The following TNS3 variants were observed in gnomAD, a reference collection of about 807,000 sequenced individuals.
The protein encoded by TNS3 is tensin-3.
In TNS3, 45 loss-of-function variants were observed where a neutral mutation model predicts 140.9. The observed-to-expected ratio is 0.32, with a 90% CI of 0.25 to 0.41. The LOEUF is 0.41. Among genes scored for constraint, TNS3 ranks in the 10% least tolerant of loss-of-function variants. The pLI, the probability that TNS3 is intolerant of heterozygous loss-of-function variation, is 1.00. For missense variants in TNS3, 1,716 were observed against 1,906.7 expected (o/e 0.90, Z 1.86); for synonymous variants, 815 against 788.4 (o/e 1.03, Z -0.56).
chr7:47,317,042 A>T (rs1322602558), intron 20 of TNS3, among the ~76,000 whole-genome samples: 1 of 152,246 alleles, frequency 6.6e-6, no homozygotes, highest in Non-Finnish European at 1.5e-5. Flanking sequence ...TTGGTGTTGA[A>T]TCTTTTCTTT....
intron 1 of TNS3, among the ~76,000 whole-genome samples, chr7:47,576,955 T>C (rs1243956701): frequency 6.6e-6 from 1 of 152,264 alleles, no homozygotes; most frequent in Non-Finnish European, 1.5e-5. Context: ...TCTTTCAGTA[T>C]CGCCACGAGT....
intron 2 of TNS3, among the ~76,000 whole-genome samples, chr7:47,527,110 G>A (rs978012319): frequency 2.6e-5 from 4 of 151,950 alleles, no homozygotes; most frequent in Non-Finnish European, 2.9e-5. Flanking sequence ...GGTGGCGGGC[G>A]CCTGTAGTCC....
At position 47,363,797 on chromosome 7, in the gene TNS3, A is replaced by C. The variant is rs143444471; in HGVS notation, c.2281+4568T>G. On this transcript the variant is annotated intron_variant, in intron 17 of 30. Coordinates refer to ENST00000311160, the MANE Select transcript of TNS3 (RefSeq NM_022748.12). Reference sequence around the variant, plus strand: ...ATGGGGCTGAACCTCATGCACACAGATGTGGAAATGATGCCCCTTGCAGGG... The same window carrying C: ...ATGGGGCTGAACCTCATGCACACAGCTGTGGAAATGATGCCCCTTGCAGGG... Among the ~76,000 whole-genome samples, 160 of 152,336 alleles carry C rather than the reference A, an allele frequency of 1.1e-3. 1 individual carries two copies. Among genetic ancestry groups the C allele is most frequent in the African/African-American group, 3.5e-3 (146 of 41,574 alleles).
chr7:47,294,644 A>C (rs1002024333), intron 24 of TNS3, among the ~76,000 whole-genome samples: 2 of 152,212 alleles, frequency 1.3e-5, no homozygotes, highest in Non-Finnish European at 2.9e-5. Flanking sequence ...AGCAAGATCC[A>C]CTGGAGTTGG....
chr7:47,581,210 C>G (rs1194661991), intron 1 of TNS3, among the ~76,000 whole-genome samples: 1 of 152,064 alleles, frequency 6.6e-6, no homozygotes, highest in Non-Finnish European at 1.5e-5. Flanking sequence ...AGCACCGACA[C>G]AGAGACCCCT....
intron 3 of TNS3, among the ~76,000 whole-genome samples, chr7:47,496,511 A>G (rs1218545367): frequency 6.6e-6 from 1 of 152,206 alleles, no homozygotes; most frequent in Non-Finnish European, 1.5e-5. Flanking sequence ...GAATCAGCAG[A>G]GGCTGCCAAT....
At chr7:47,441,958 C>G in intron 5 of TNS3, 45 bp downstream of exon 5, 2 of 1,269,072 alleles carry the variant, frequency 1.6e-6, no homozygotes, top group Non-Finnish European at 2.1e-6. Flanking sequence ...GAGAGCTGAC[C>G]TACAGCCAGA....
intron 17 of TNS3, among the ~76,000 whole-genome samples, chr7:47,352,526 C>T (rs886805387): frequency 2.6e-5 from 4 of 152,200 alleles, no homozygotes; most frequent in Admixed American, 6.5e-5. Flanking sequence ...CCTGTATCTG[C>T]AAACCTCACA....
intron 1 of TNS3, among the ~76,000 whole-genome samples, chr7:47,544,547 A>G (rs1799871344): frequency 6.6e-6 from 1 of 152,136 alleles, no homozygotes; most frequent in Non-Finnish European, 1.5e-5. Context: ...GGACACAGAT[A>G]GAAGGTGCCT....
chr7:47,439,610 G>A lies in TNS3; in HGVS notation c.27C>T (p.Leu9=). The stretch of plus-strand genomic sequence containing the variant: ...CGATGATGCGCTCCGTGATGTAAGT[G>A]AGGTCCAGCCCATGGCCCTCCTCCA... MEEGHGLD[L]TYITERIIAV... The change falls in exon 6 of 31, where the codon CTC becomes CTT. Residue 9 remains leucine, a synonymous_variant. Coordinates refer to ENST00000311160, the MANE Select transcript of TNS3 (RefSeq NM_022748.12). 1 of 1,614,076 alleles carries A rather than the reference G, an allele frequency of 6.2e-7. No individual in the cohort carries two copies. The highest frequency in any genetic ancestry group is 1.3e-5 in the African/African-American group (1 of 75,054).
At chr7:47,373,092 G>A (rs1238813387) in intron 16 of TNS3, among the ~76,000 whole-genome samples, 1 of 152,138 alleles carries the variant, frequency 6.6e-6, no homozygotes, top group African/African-American at 2.4e-5. Context: ...GAAGGAGAAG[G>A]GGCCTCTGGA....
chr7:47,389,002 GGAA>G (rs1175410885), intron 16 of TNS3, among the ~76,000 whole-genome samples: 139 of 6,532 alleles, frequency 0.021, 1 homozygote, highest in Middle Eastern at 0.11. Flanking sequence ...AGAAGAAGAA[GGAA>G]GAAGAAGAAG....
intron 20 of TNS3, among the ~76,000 whole-genome samples, chr7:47,306,578 A>ATT (rs60884592): frequency 2.4e-4 from 36 of 147,978 alleles, no homozygotes; most frequent in African/African-American, 7.1e-4. Flanking sequence ...ACCTTAGAGA[A>ATT]TTTTTTTTTT....
chr7:47,306,142 T>C (rs964976638), intron 20 of TNS3, among the ~76,000 whole-genome samples: 1 of 152,200 alleles, frequency 6.6e-6, no homozygotes, highest in African/African-American at 2.4e-5. Flanking sequence ...TTACTAAGAA[T>C]ACTCTGAAAG....
chr7:47,582,499 T>A, upstream of TNS3: 2 of 456,574 alleles, frequency 4.4e-6, no homozygotes, highest in South Asian at 3.1e-5. Context: ...GTGATTAAGG[T>A]GCTCTCCGGG....
intron 4 of TNS3, among the ~76,000 whole-genome samples, chr7:47,474,760 CAA>C (rs1355592748): frequency 6.7e-6 from 1 of 149,042 alleles, no homozygotes; most frequent in Non-Finnish European, 1.5e-5. Context: ...ACACAACACA[CAA>C]AGCACAACAC....
chr7:47,374,200 G>A (rs1249427925), intron 16 of TNS3, among the ~76,000 whole-genome samples: 1 of 152,218 alleles, frequency 6.6e-6, no homozygotes, highest in African/African-American at 2.4e-5. Flanking sequence ...ATGGGCCAGA[G>A]ATCCAGGGAA....
rs1213650505 is a variant in TNS3 at position 47,328,481 on chromosome 7, C to T, written c.2650+16274G>A. ...CAAGCGGCAGGACCTGCCCACCATG[C>T]CCCCAAACCTGCCCCTCCAAAATCA... On this transcript the variant is annotated intron_variant, in intron 20 of 30. Transcript: ENST00000311160. Among the ~76,000 whole-genome samples the T allele has an allele frequency of 2.6e-5, 4 of 151,860 alleles. No homozygotes were observed. In the East Asian group the frequency reaches 5.8e-4, roughly 22 times the overall value.
At chr7:47,526,195 G>A (rs734899) in intron 2 of TNS3, among the ~76,000 whole-genome samples, 97,584 of 152,130 alleles carry the variant, frequency 0.64, 32,106 homozygotes, top group African/African-American at 0.79. Context: ...TGTCTGAGAT[G>A]ACTCTTCAGT....
Sources: gnomAD v4.1 joint callset for allele counts (sites outside exome capture counted in the v4.1 genomes callset) on GRCh38, gnomAD v4.1.1 for gene constraint, MANE v1.5 for transcripts, NCBI Gene and HGNC (gene_info 2026-07-23, HGNC 2026-07-21) for gene names.